LOC128125817: variants seen among roughly 807,000 people sequenced by gnomAD.
the LOC128125817 span, among the ~76,000 whole-genome samples, chr1:41,611,735 C>A: frequency 6.6e-6 from 1 of 152,256 alleles, no homozygotes; most frequent in South Asian, 2.1e-4. Context: ...CTTTCTCCCA[C>A]TGTCCTGGGC....
the LOC128125817 span, among the ~76,000 whole-genome samples, chr1:41,591,106 T>C: frequency 6.6e-6 from 1 of 152,194 alleles, no homozygotes; most frequent in African/African-American, 2.4e-5. Context: ...AGCATTTCTG[T>C]GGAGGGGCTG....
chr1:41,610,499 G>A, the LOC128125817 span, among the ~76,000 whole-genome samples: 1 of 152,174 alleles, frequency 6.6e-6, no homozygotes, highest in Admixed American at 6.5e-5. Context: ...ATGGTGGGAG[G>A]GGCATTCCCA....
the LOC128125817 span, among the ~76,000 whole-genome samples, chr1:41,611,671 A>C: frequency 6.6e-6 from 1 of 152,252 alleles, no homozygotes; most frequent in Non-Finnish European, 1.5e-5. Context: ...TAATCAAGGA[A>C]GCAAGGGAAA....
chr1:41,587,858 C>T, the LOC128125817 span, among the ~76,000 whole-genome samples: 168 of 152,294 alleles, frequency 1.1e-3, no homozygotes, highest in Admixed American at 1.8e-3. Flanking sequence ...TGGCATGATG[C>T]GCACTGCAGT....
At chr1:41,589,518 C>A in the LOC128125817 span, among the ~76,000 whole-genome samples, 1 of 152,212 alleles carries the variant, frequency 6.6e-6, no homozygotes, top group Non-Finnish European at 1.5e-5. Context: ...CTGGAAAGCA[C>A]CTTCTGTATC....
At chr1:41,622,350 G>A in the LOC128125817 span, among the ~76,000 whole-genome samples, 2 of 152,156 alleles carry the variant, frequency 1.3e-5, no homozygotes, top group Non-Finnish European at 2.9e-5. Context: ...AGCAGCACAC[G>A]CAAAGGATTA....
At chr1:41,593,250 G>A in the LOC128125817 span, among the ~76,000 whole-genome samples, 206 of 152,282 alleles carry the variant, frequency 1.4e-3, 1 homozygote, top group African/African-American at 4.8e-3. Context: ...CCCCAGAGAA[G>A]CTACAGTTAA....
chr1:41,589,641 G>A, the LOC128125817 span, among the ~76,000 whole-genome samples: 1 of 152,336 alleles, frequency 6.6e-6, no homozygotes, highest in South Asian at 2.1e-4. Context: ...AGTCCTGGCA[G>A]GAGGCCAGCT....
chr1:41,594,376 C>T, the LOC128125817 span, among the ~76,000 whole-genome samples: 1 of 152,102 alleles, frequency 6.6e-6, no homozygotes, highest in Non-Finnish European at 1.5e-5. Flanking sequence ...GCGTGCACCA[C>T]CACACCCAGA....
the LOC128125817 span, among the ~76,000 whole-genome samples, chr1:41,597,324 A>C: frequency 6.6e-6 from 1 of 152,196 alleles, no homozygotes; most frequent in Admixed American, 6.5e-5. Context: ...TCAAGCAATG[A>C]TGTAGCAAAA....
chr1:41,623,849 C>T, the LOC128125817 span, among the ~76,000 whole-genome samples: 5 of 152,220 alleles, frequency 3.3e-5, no homozygotes, highest in African/African-American at 1.2e-4. Flanking sequence ...TTCCTCCCCA[C>T]TGCCTCACAC....
the LOC128125817 span, among the ~76,000 whole-genome samples, chr1:41,587,426 T>C: frequency 6.6e-6 from 1 of 152,174 alleles, no homozygotes; most frequent in Non-Finnish European, 1.5e-5. Flanking sequence ...CCATATAAGA[T>C]ACCATCCAAA....
At chr1:41,627,572 G>A in the LOC128125817 span, among the ~76,000 whole-genome samples, 1,926 of 152,228 alleles carry the variant, frequency 0.013, 46 homozygotes, top group African/African-American at 0.043. Flanking sequence ...TAGCCACCCC[G>A]AAGTCCAGGC....
chr1:41,592,936 G>A, the LOC128125817 span, among the ~76,000 whole-genome samples: 3 of 152,154 alleles, frequency 2.0e-5, no homozygotes, highest in African/African-American at 4.8e-5. Context: ...CCCTGGCCAG[G>A]TCCTGACCTG....
the LOC128125817 span, among the ~76,000 whole-genome samples, chr1:41,605,861 ATTTG>A: frequency 2.0e-5 from 3 of 152,154 alleles, no homozygotes; most frequent in Admixed American, 6.5e-5. Flanking sequence ...CAGCTTTCAG[ATTTG>A]TTTATTTAAA....
the LOC128125817 span, among the ~76,000 whole-genome samples, chr1:41,618,547 A>G: frequency 1.3e-5 from 2 of 152,082 alleles, no homozygotes; most frequent in Non-Finnish European, 1.5e-5. Context: ...CACCACTCAT[A>G]GGCCTTGCAA....
At chr1:41,619,530 G>T in the LOC128125817 span, among the ~76,000 whole-genome samples, 1 of 152,158 alleles carries the variant, frequency 6.6e-6, no homozygotes, top group Admixed American at 6.5e-5. Flanking sequence ...TTTGTGCTTT[G>T]TCACCCAGAA....
At chr1:41,623,028 T>C in the LOC128125817 span, among the ~76,000 whole-genome samples, 2 of 152,204 alleles carry the variant, frequency 1.3e-5, no homozygotes, top group Non-Finnish European at 2.9e-5. Flanking sequence ...GCAGCCAGTA[T>C]GAGACAGAGC....
At chr1:41,624,456 A>G in the LOC128125817 span, among the ~76,000 whole-genome samples, 1 of 152,232 alleles carries the variant, frequency 6.6e-6, no homozygotes. Context: ...TGGTTTGTGC[A>G]GACCTCAGAT....
Sources: allele counts gnomAD v4.1 joint callset (sites outside exome capture counted in the v4.1 genomes callset), GRCh38; gene constraint gnomAD v4.1.1; transcripts MANE v1.5.